NEMP2: variants seen among roughly 807,000 people sequenced by gnomAD.
NEMP2 encodes nuclear envelope integral membrane protein 2.
A neutral mutation model predicts 54.2 loss-of-function variants in NEMP2; 53 were observed. The ratio of observed to expected loss-of-function variants is 0.98; its 90% CI spans 0.78 to 1.23. The LOEUF (loss-of-function observed/expected upper bound fraction) is 1.23. Ranked by LOEUF, NEMP2 falls within the 50% of genes most tolerant of loss-of-function variation. The probability of loss-of-function intolerance (pLI) is 0.00; values close to 1 mark genes in which losing one functional copy is unlikely to be tolerated. For synonymous variants in NEMP2, 197 were observed against 190.3 expected, an observed-to-expected ratio of 1.04 and a Z score of -0.29; for missense variants, 455 against 511.3, an observed-to-expected ratio of 0.89 and a Z score of 1.06.
chr2:190,520,009 A>G lies in NEMP2; in HGVS notation c.214-826T>C, dbSNP rs556519498. Among the ~76,000 whole-genome samples the G allele has an allele frequency of 1.4e-5, 2 of 140,082 alleles. No individual in the cohort carries two copies. The highest frequency in any genetic ancestry group is 1.9e-4 in the East Asian group (1 of 5,170). The allele number at this position is 140,082 out of a possible 152,430, so 91.9% of individuals were successfully genotyped here. A position where few individuals can be genotyped will look rare whatever the true frequency, so the allele number is the denominator to read the frequency against. On this transcript the variant is annotated intron_variant, in intron 2 of 8. Coordinates refer to ENST00000409150, the MANE Select transcript of NEMP2 (RefSeq NM_001142645.2). This position sits in a 1 kb window ranked among gnomAD's most constrained non-coding sequence, Gnocchi z 5.4. ...TTTTTTAAAGATATAATTCTATTGC[A>G]CCCTTAATAGACTAACAGTATAGTA...
chr2:190,443,926 C>T, the NEMP2 span, among the ~76,000 whole-genome samples: 1 of 152,096 alleles, frequency 6.6e-6, no homozygotes, highest in East Asian at 1.9e-4. This position sits in a 1 kb window ranked among gnomAD's most constrained non-coding sequence, Gnocchi z 4.2. Flanking sequence ...GTGTCACACG[C>T]CTGTAGTCCC....
In NEMP2 at chr2:190,533,774, G is replaced by GA. The variant is rs5837190; in HGVS notation, c.97+784dup. ...AATCTTTTAAAAGATTTTATGAGGG[G>GA]AAAAAAAAAAAGAAACAGAAATGTG... On this transcript the variant is annotated intron_variant, in intron 1 of 8. Transcript: ENST00000409150. This position sits in a 1 kb window ranked among gnomAD's most constrained non-coding sequence, Gnocchi z 4.3. 0.3 allele frequency among the ~76,000 whole-genome samples: 44,973 copies of GA among 148,000 alleles called. 7,321 individuals are homozygous for GA. Among genetic ancestry groups the GA allele is most frequent in the East Asian group, 0.46 (2,357 of 5,086 alleles).
intron 5 of NEMP2, 43 bp from the exon 6 acceptor site, chr2:190,516,427 C>CA (rs760066139): frequency 1.4e-6 from 2 of 1,387,096 alleles, no homozygotes; most frequent in African/African-American, 2.9e-5. Flanking sequence ...TTGGTTCATT[C>CA]ACTCTCATAA....
At chr2:190,615,036 A>G in the NEMP2 span, among the ~76,000 whole-genome samples, 1 of 152,240 alleles carries the variant, frequency 6.6e-6, no homozygotes, top group East Asian at 1.9e-4. This position sits in a 1 kb window ranked among gnomAD's most constrained non-coding sequence, Gnocchi z 4.7. Context: ...CTCAACACAC[A>G]GGACATTTTC....
At chr2:190,572,483 AG>A in the NEMP2 span, among the ~76,000 whole-genome samples, 3 of 152,094 alleles carry the variant, frequency 2.0e-5, no homozygotes, top group African/African-American at 7.2e-5. Context: ...ACTAGATTCA[AG>A]GGAGGCTGGA....
the NEMP2 span, among the ~76,000 whole-genome samples, chr2:190,647,710 CTT>C: frequency 2.9e-3 from 299 of 102,340 alleles, 1 homozygote; most frequent in African/African-American, 0.011. Flanking sequence ...TCTTCTTCTT[CTT>C]TTTTTTTTTT....
At chr2:190,574,236 G>T in the NEMP2 span, among the ~76,000 whole-genome samples, 1 of 152,124 alleles carries the variant, frequency 6.6e-6, no homozygotes. Context: ...TTGAGTCAAA[G>T]GTACAGTAGC....
the NEMP2 span, among the ~76,000 whole-genome samples, chr2:190,431,856 T>TG: frequency 3.9e-5 from 6 of 152,248 alleles, no homozygotes; most frequent in Non-Finnish European, 8.8e-5. The surrounding 1 kb of genome is among the most constrained non-coding windows in gnomAD (Gnocchi z 4.4). Flanking sequence ...TCCAGAGCTT[T>TG]TTATTCAAGT....
intron 1 of NEMP2, 75 bp downstream of exon 1, chr2:190,534,484 G>C: frequency 7.7e-7 from 1 of 1,298,060 alleles, no homozygotes; most frequent in South Asian, 2.3e-5. Context: ...GGGCCAAAGA[G>C]CGCGCCCTCA....
the NEMP2 span, among the ~76,000 whole-genome samples, chr2:190,557,014 T>C: frequency 3.9e-5 from 6 of 152,116 alleles, no homozygotes; most frequent in Non-Finnish European, 7.4e-5. Flanking sequence ...GCCCACATAG[T>C]CAAGACAATC....
At chr2:190,474,146 A>G in the NEMP2 span, among the ~76,000 whole-genome samples, 2 of 150,672 alleles carry the variant, frequency 1.3e-5, no homozygotes, top group Non-Finnish European at 3.0e-5. Context: ...TAACATCACA[A>G]TTAAAAGAAC....
chr2:190,489,722 C>T, the NEMP2 span: 2 of 1,547,376 alleles, frequency 1.3e-6, no homozygotes, highest in East Asian at 2.3e-5. This position sits in a 1 kb window ranked among gnomAD's most constrained non-coding sequence, Gnocchi z 6.6. Flanking sequence ...TGAGCGCTAT[C>T]TGCATTTCTT....
At chr2:190,485,747 T>G in the NEMP2 span, among the ~76,000 whole-genome samples, 1 of 152,106 alleles carries the variant, frequency 6.6e-6, no homozygotes, top group Non-Finnish European at 1.5e-5. This position sits in a 1 kb window ranked among gnomAD's most constrained non-coding sequence, Gnocchi z 5.1. Flanking sequence ...GTTATTTGAC[T>G]TCTTAGGAAA....
At chr2:190,483,776 G>A in the NEMP2 span, among the ~76,000 whole-genome samples, 3 of 149,766 alleles carry the variant, frequency 2.0e-5, no homozygotes, top group Admixed American at 6.7e-5. Flanking sequence ...CAGAGGATGC[G>A]GTGAGCCGAG....
chr2:190,444,528 T>G, the NEMP2 span, among the ~76,000 whole-genome samples: 1 of 152,238 alleles, frequency 6.6e-6, no homozygotes, highest in Non-Finnish European at 1.5e-5. Context: ...AAAGTGGCTG[T>G]GTGTTCTTTT....
chr2:190,580,344 A>G, the NEMP2 span, among the ~76,000 whole-genome samples: 2 of 152,182 alleles, frequency 1.3e-5, no homozygotes, highest in African/African-American at 4.8e-5. The surrounding 1 kb of genome is among the most constrained non-coding windows in gnomAD (Gnocchi z 5.3). Flanking sequence ...AGTGGCGAAT[A>G]TAAGAGTTCT....
At chr2:190,500,283 C>A, downstream of NEMP2, 1 of 1,559,326 alleles carries the variant, frequency 6.4e-7, no homozygotes, top group Non-Finnish European at 8.8e-7. This position sits in a 1 kb window ranked among gnomAD's most constrained non-coding sequence, Gnocchi z 5.3. Context: ...CAGGGTGAGG[C>A]CCCCCAGCCA....
chr2:190,554,879 G>C, the NEMP2 span, among the ~76,000 whole-genome samples: 9 of 152,206 alleles, frequency 5.9e-5, no homozygotes, highest in Non-Finnish European at 4.4e-5. This position sits in a 1 kb window ranked among gnomAD's most constrained non-coding sequence, Gnocchi z 5.7. Flanking sequence ...CCTCCCAATA[G>C]GGGCCGACAG....
the NEMP2 span, chr2:190,437,120 A>G: frequency 1.2e-6 from 2 of 1,614,254 alleles, no homozygotes; most frequent in Non-Finnish European, 1.7e-6. This position sits in a 1 kb window ranked among gnomAD's most constrained non-coding sequence, Gnocchi z 5.9. Flanking sequence ...AAGCCCCCCG[A>G]GTACAGGAAT....
Sources: allele counts gnomAD v4.1 joint callset (sites outside exome capture counted in the v4.1 genomes callset), GRCh38; gene constraint gnomAD v4.1.1; non-coding constraint Gnocchi (gnomAD v3.1); transcripts MANE v1.5; gene names NCBI Gene and HGNC (gene_info 2026-07-23, HGNC 2026-07-21).